Variants in MAST2 observed in about 807,000 individuals in gnomAD.
MAST2 encodes microtubule-associated serine/threonine-protein kinase 2.
MAST2 carries 70 observed loss-of-function variants against 147.4 expected under a neutral mutation model. The observed-to-expected ratio is 0.47, with a 90% CI of 0.39 to 0.58. The LOEUF (loss-of-function observed/expected upper bound fraction) is 0.58. Ranked by LOEUF, MAST2 falls within the 20% of genes least tolerant of loss-of-function variation. MAST2 has a pLI of 0.00. For missense variants in MAST2, 2,080 were observed against 2,302.3 expected, an observed-to-expected ratio of 0.90 and a Z score of 1.98; for synonymous variants, 869 against 896.8, an observed-to-expected ratio of 0.97 and a Z score of 0.55.
At chr1:45,883,748 C>T (rs1646944746) in intron 4 of MAST2, among the ~76,000 whole-genome samples, 1 of 152,050 alleles carries the variant, frequency 6.6e-6, no homozygotes, top group African/African-American at 2.4e-5. Context: ...AGTGGATATT[C>T]AGTCTAGCTT....
intron 4 of MAST2, among the ~76,000 whole-genome samples, chr1:45,923,533 A>G (rs1416671429): frequency 1.3e-5 from 2 of 152,180 alleles, no homozygotes; most frequent in African/African-American, 4.8e-5. Context: ...TTATCATTGT[A>G]CTTATTTCAC....
intron 10 of MAST2, among the ~76,000 whole-genome samples, chr1:46,012,163 A>G (rs1346241410): frequency 6.6e-6 from 1 of 152,254 alleles, no homozygotes; most frequent in East Asian, 1.9e-4. Context: ...ACAGTTTTCC[A>G]GCAATGGAAA....
chr1:45,827,669 T>A (rs1271554383), intron 2 of MAST2, among the ~76,000 whole-genome samples: 1 of 151,700 alleles, frequency 6.6e-6, no homozygotes, highest in Non-Finnish European at 1.5e-5. Context: ...ATTTTTTTTT[T>A]ATGGAGGGCT....
intron 3 of MAST2, among the ~76,000 whole-genome samples, chr1:45,875,475 G>A (rs1485987539): frequency 3.3e-5 from 5 of 152,130 alleles, no homozygotes. Flanking sequence ...TTTGACTTCA[G>A]TATTTATTTC....
chr1:45,907,949 TC>T (rs1272944934), intron 4 of MAST2, among the ~76,000 whole-genome samples: 2 of 152,200 alleles, frequency 1.3e-5, no homozygotes, highest in Non-Finnish European at 2.9e-5. Flanking sequence ...CATAAATTGT[TC>T]CTGCTATTCT....
At chr1:45,969,180 G>A (rs897985309) in intron 5 of MAST2, among the ~76,000 whole-genome samples, 17 of 152,132 alleles carry the variant, frequency 1.1e-4, no homozygotes, top group African/African-American at 3.9e-4. Context: ...TGTCATATCT[G>A]ACTCTGGTTC....
chr1:45,973,662 G>A (rs574179823), intron 5 of MAST2, among the ~76,000 whole-genome samples: 1 of 152,290 alleles, frequency 6.6e-6, no homozygotes, highest in Non-Finnish European at 1.5e-5. Context: ...TGAACCCTGG[G>A]ACATTCCAGT....
At position 46,030,182 on chromosome 1, in the gene MAST2, G is replaced by A. The variant is rs1571282653; in HGVS notation, c.2497G>A (p.Glu833Lys). 2 of 1,614,130 alleles carry A rather than the reference G, an allele frequency of 1.2e-6. No homozygotes were observed. The highest frequency in any genetic ancestry group is 1.1e-5 in the South Asian group (1 of 91,092). ...MDSEDEEEVSEDGCLEIRQFS... is the reference protein window; with the variant it reads ...MDSEDEEEVSKDGCLEIRQFS... ...CTCGGAGGATGAGGAAGAAGTGAGT[G>A]AGGATGGCTGCCTTGAGATCCGCCA... Residue 833 changes from glutamate (E) to lysine (K), a missense_variant, in exon 21 of 29, where the codon GAG (glutamate) becomes AAG (lysine). Glu to Lys is a moderately conservative substitution (Grantham distance 56). Coordinates refer to ENST00000361297, the MANE Select transcript of MAST2 (RefSeq NM_015112.3).
intron 5 of MAST2, among the ~76,000 whole-genome samples, chr1:45,960,605 C>G (rs1022517469): frequency 1.3e-5 from 2 of 152,208 alleles, no homozygotes; most frequent in Non-Finnish European, 2.9e-5. Flanking sequence ...TCGGAGTCAG[C>G]CATGTGCTTC....
intron 3 of MAST2, among the ~76,000 whole-genome samples, chr1:45,838,215 C>CTTTTTTTTTTT: frequency 1.0e-5 from 1 of 97,988 alleles, no homozygotes; most frequent in Non-Finnish European, 2.0e-5. Flanking sequence ...TATATATATT[C>CTTTTTTTTTTT]TTTTTTTTTT....
chr1:45,954,600 T>TACTGGA (rs1659394595), intron 4 of MAST2, among the ~76,000 whole-genome samples: 2 of 152,300 alleles, frequency 1.3e-5, no homozygotes, highest in South Asian at 4.2e-4. Flanking sequence ...TACTTCATCT[T>TACTGGA]ACTGGAATGA....
At chr1:45,869,370 A>G (rs1557850076) in intron 3 of MAST2, among the ~76,000 whole-genome samples, 2 of 152,208 alleles carry the variant, frequency 1.3e-5, no homozygotes, top group Non-Finnish European at 1.5e-5. Flanking sequence ...TGATTCAGAA[A>G]TCTTACAGTG....
chr1:45,977,311 A>T (rs1193468694), intron 5 of MAST2, among the ~76,000 whole-genome samples: 2 of 151,222 alleles, frequency 1.3e-5, no homozygotes, highest in East Asian at 3.9e-4. Context: ...GACATGGTGA[A>T]ACCCGGTCTC....
At chr1:45,977,265 A>G (rs1644199666) in intron 5 of MAST2, among the ~76,000 whole-genome samples, 1 of 152,246 alleles carries the variant, frequency 6.6e-6, no homozygotes, top group Non-Finnish European at 1.5e-5. Context: ...AGGCGGGTGG[A>G]TCACCTGAGG....
Position 45,997,761 on chromosome 1 carries a change from A to G in MAST2, c.630A>G (p.Pro210=), listed in dbSNP as rs1448750264. The G allele has an allele frequency of 6.2e-7, 1 of 1,614,184 alleles. No individual in the cohort carries two copies. The highest frequency in any genetic ancestry group is 2.2e-5 in the East Asian group (1 of 44,884). ...SPLDSPRNFS[P]NAPAHFSFVP... ...TGGACAGCCCCCGGAATTTCTCTCC[A>G]AATGCACCTGCTCACTTTTCTTTTG... Residue 210 remains proline (P), a synonymous_variant, in exon 6 of 29, where the codon CCA becomes CCG. Transcript: ENST00000361297.
chr1:45,815,733 G>A (rs1050410884), intron 1 of MAST2, among the ~76,000 whole-genome samples: 1 of 152,118 alleles, frequency 6.6e-6, no homozygotes, highest in African/African-American at 2.4e-5. Flanking sequence ...CTTGATTGAG[G>A]TGCTTCCATT....
intron 4 of MAST2, among the ~76,000 whole-genome samples, chr1:45,888,553 C>T (rs991662469): frequency 3.3e-5 from 5 of 150,998 alleles, no homozygotes; most frequent in Admixed American, 1.3e-4. Flanking sequence ...TAGTAGAGAC[C>T]GGGTATCACT....
At chr1:45,894,210 T>C (rs187262983) in intron 4 of MAST2, among the ~76,000 whole-genome samples, 3 of 143,438 alleles carry the variant, frequency 2.1e-5, no homozygotes, top group South Asian at 4.3e-4. Context: ...TGAGACCCTG[T>C]CTCAAATTAA....
At chr1:45,846,515 T>C (rs1645440425) in intron 3 of MAST2, among the ~76,000 whole-genome samples, 1 of 152,104 alleles carries the variant, frequency 6.6e-6, no homozygotes, top group Admixed American at 6.6e-5. Flanking sequence ...TGAAAAGCAA[T>C]CTTCATTTTA....
Sources: gnomAD v4.1 joint callset for allele counts (sites outside exome capture counted in the v4.1 genomes callset) on GRCh38, gnomAD v4.1.1 for gene constraint, MANE v1.5 for transcripts, NCBI Gene and HGNC (gene_info 2026-07-23, HGNC 2026-07-21) for gene names.